Variants in EFCAB8 observed in about 807,000 individuals in gnomAD.
EFCAB8 encodes the protein EF-hand calcium-binding domain-containing protein 8.
EFCAB8 carries 100 observed loss-of-function variants against 116.3 expected under a neutral mutation model. The ratio of observed to expected loss-of-function variants is 0.86; its 90% confidence interval spans 0.73 to 1.02. The LOEUF (loss-of-function observed/expected upper bound fraction) is 1.02, where lower values mean the gene tolerates loss of function less well. EFCAB8 is among the 50% of genes least tolerant of loss of function. EFCAB8 has a pLI of 0.00. For synonymous variants in EFCAB8, 558 were observed against 567.9 expected (o/e 0.98, Z 0.25); for missense variants, 1,320 against 1,416.9 (o/e 0.93, Z 1.10).
chr20:32,859,490 A>G (rs1983992497), intron 1 of EFCAB8, among the ~76,000 whole-genome samples: 1 of 152,188 alleles, frequency 6.6e-6, no homozygotes, highest in Non-Finnish European at 1.5e-5. Context: ...AGCAACCAGC[A>G]CTTTTTTTCC....
chr20:32,874,479 C>G (rs1984847259), intron 3 of EFCAB8, among the ~76,000 whole-genome samples: 1 of 152,202 alleles, frequency 6.6e-6, no homozygotes, highest in Non-Finnish European at 1.5e-5. Context: ...ATACCTCAGC[C>G]TCCCAAAGCA....
intron 22 of EFCAB8, among the ~76,000 whole-genome samples, chr20:32,932,084 T>G (rs1473717973): frequency 6.6e-6 from 1 of 152,004 alleles, no homozygotes; most frequent in Admixed American, 6.5e-5. Flanking sequence ...TTCTAAAAAT[T>G]TATTCAGTGG....
At chr20:32,872,895 C>G (rs1044434885) in intron 3 of EFCAB8, among the ~76,000 whole-genome samples, 2 of 151,884 alleles carry the variant, frequency 1.3e-5, no homozygotes, top group Non-Finnish European at 2.9e-5. Context: ...AGTTCGAGAC[C>G]AGCCTGGCCA....
rs538002526 is a variant in EFCAB8 at position 32,869,657 on chromosome 20, A to T, written c.208+1910A>T. Among the ~76,000 whole-genome samples the T allele has an allele frequency of 1.8e-3, 268 of 152,242 alleles. 1 individual carries two copies. Among genetic ancestry groups the T allele is most frequent in the African/African-American group, 6.4e-3 (264 of 41,560 alleles). On this transcript the variant is annotated intron_variant, in intron 3 of 26. Coordinates refer to ENST00000400522, the MANE Select transcript of EFCAB8 (RefSeq NM_001143967.2). ...CACAGGTCCCACCACACTCCAGGGG[A>T]GGGGATCGAAGGAGGGACTGAGCAC...
At chr20:32,953,876 T>TCTCAG (rs1988877943) in intron 23 of EFCAB8, among the ~76,000 whole-genome samples, 1 of 152,216 alleles carries the variant, frequency 6.6e-6, no homozygotes. Context: ...AATGGTGCCA[T>TCTCAG]CTCAGCTCAC....
chr20:32,875,502 GT>G (rs57620114), intron 3 of EFCAB8, among the ~76,000 whole-genome samples: 3,507 of 89,894 alleles, frequency 0.039, 201 homozygotes, highest in African/African-American at 0.11. Flanking sequence ...AAACATGGTG[GT>G]TTTTTTTTTT....
chr20:32,918,497 A>G lies in EFCAB8; in HGVS notation c.2197A>G (p.Arg733Gly). The G allele has an allele frequency of 6.4e-7, 1 of 1,551,706 alleles. No homozygotes were observed. ...CGAGTCTGTGGCCAATACCAACCTGAGGCGGAGCCTGGTGTCGGCTCCCCC... is the reference window on the plus strand; with the variant it reads ...CGAGTCTGTGGCCAATACCAACCTGGGGCGGAGCCTGGTGTCGGCTCCCCC... ...SPESVANTNLRRSLVSAPPVM... is the reference protein window; with the variant it reads ...SPESVANTNLGRSLVSAPPVM... The change falls in exon 19 of 27, where the codon AGG becomes GGG. Residue 733 changes from arginine (R) to glycine (G), a missense_variant. By Grantham distance (125) the Arg-to-Gly change is moderately radical. Coordinates refer to ENST00000400522, the MANE Select transcript of EFCAB8 (RefSeq NM_001143967.2).
At chr20:32,896,556 C>T (rs1568916216) in intron 10 of EFCAB8, 29 bp downstream of exon 10, 2 of 718,054 alleles carry the variant, frequency 2.8e-6, no homozygotes, top group East Asian at 2.7e-5. Flanking sequence ...TGGCCTGTTA[C>T]AATGGTAATT....
Position 32,959,936 on chromosome 20 carries a change from A to G in EFCAB8, c.3248A>G (p.Glu1083Gly). The G allele has an allele frequency of 1.3e-6, 2 of 1,551,632 alleles. No homozygotes were observed. Among genetic ancestry groups the G allele is most frequent in the Non-Finnish European group, 1.7e-6 (2 of 1,146,968 alleles). ...CCGTGGGCCGGAGAGCGCCCCCTGG[A>G]AGACATTGAGGACAGCTGGAACAAG... ...MSPWAGERPL[E>G]DIEDSWNKWE... Residue 1083 changes from glutamate (E) to glycine (G), a missense_variant, in exon 25 of 27, where the codon GAA becomes GGA. Coordinates refer to ENST00000400522, the MANE Select transcript of EFCAB8 (RefSeq NM_001143967.2).
chr20:32,898,654 G>A (rs1306714699), intron 11 of EFCAB8, 31 bp downstream of exon 11: 3 of 715,838 alleles, frequency 4.2e-6, no homozygotes, highest in African/African-American at 1.7e-5. Context: ...GGCTAAGGCG[G>A]TGGGGCTGGA....
chr20:32,877,043 A>C (rs924046167), intron 4 of EFCAB8, among the ~76,000 whole-genome samples: 2 of 152,018 alleles, frequency 1.3e-5, no homozygotes, highest in African/African-American at 4.8e-5. Flanking sequence ...GGAAGTTAGG[A>C]GTTTGCCCAG....
rs1984249934 is a variant in EFCAB8 at position 32,863,789 on chromosome 20, G to A, written c.-4G>A. On this transcript the variant is annotated 5_prime_UTR_variant, in exon 2 of 27. Coordinates refer to ENST00000400522, the MANE Select transcript of EFCAB8 (RefSeq NM_001143967.2). Reference sequence around the variant, plus strand: ...CTATGATTCCCTATTCTAGGTCAAGGCTAATGTCTTCTGAAGACTTAGCAG... The same window carrying A: ...CTATGATTCCCTATTCTAGGTCAAGACTAATGTCTTCTGAAGACTTAGCAG... 3.2e-6 allele frequency: 5 copies of A among 1,550,944 alleles called. No homozygotes were observed. Among genetic ancestry groups the A allele is most frequent in the Admixed American group, 3.9e-5 (2 of 50,916 alleles).
At chr20:32,902,021 T>C (rs1306664369) in intron 11 of EFCAB8, among the ~76,000 whole-genome samples, 1 of 152,242 alleles carries the variant, frequency 6.6e-6, no homozygotes, top group Non-Finnish European at 1.5e-5. Context: ...AATTAATATT[T>C]TCATTATAAA....
chr20:32,955,374 T>C (rs552168407), intron 23 of EFCAB8, among the ~76,000 whole-genome samples: 2 of 152,156 alleles, frequency 1.3e-5, no homozygotes, highest in African/African-American at 4.8e-5. Context: ...ACCCTGTCTC[T>C]ACAAAAAATT....
rs1198949074 is a variant in EFCAB8, at chr20:32,961,785, G to T, written c.*176G>T. Reference sequence around the variant, plus strand: ...CTAATCTTGTCTTCTCTCTGGCCCCGCACAGAGCCCTGGGGCAGAAAATAA... The same window carrying T: ...CTAATCTTGTCTTCTCTCTGGCCCCTCACAGAGCCCTGGGGCAGAAAATAA... On this transcript the variant is annotated 3_prime_UTR_variant, in exon 27 of 27. Coordinates refer to ENST00000400522, the MANE Select transcript of EFCAB8 (RefSeq NM_001143967.2). 1.3e-5 allele frequency among the ~76,000 whole-genome samples: 2 copies of T among 152,222 alleles called. No homozygotes were observed. Among genetic ancestry groups the T allele is most frequent in the Non-Finnish European group, 2.9e-5 (2 of 68,038 alleles).
intron 23 of EFCAB8, among the ~76,000 whole-genome samples, chr20:32,949,055 T>C (rs894909993): frequency 6.6e-6 from 1 of 152,200 alleles, no homozygotes; most frequent in African/African-American, 2.4e-5. Flanking sequence ...TTATTTGTAG[T>C]TGACTAATTG....
At chr20:32,934,252 TTAATC>T (rs1270884022) in intron 22 of EFCAB8, among the ~76,000 whole-genome samples, 5 of 151,592 alleles carry the variant, frequency 3.3e-5, no homozygotes, top group African/African-American at 1.2e-4. Context: ...GTCTTCCAGA[TTAATC>T]TATGTTGTCC....
chr20:32,954,031 G>T (rs1269870509), intron 23 of EFCAB8, among the ~76,000 whole-genome samples: 1 of 151,998 alleles, frequency 6.6e-6, no homozygotes, highest in African/African-American at 2.4e-5. Flanking sequence ...GTCTCGAACT[G>T]CAGGCCTCAG....
chr20:32,885,414 C>G lies in EFCAB8; in HGVS notation c.432-91C>G, dbSNP rs866014052. The G allele has an allele frequency of 4.0e-6, 6 of 1,506,422 alleles. 1 individual carries two copies. In the Middle Eastern group the frequency reaches 7.7e-4, roughly 194 times the overall value. 93.3% of individuals were successfully genotyped at this position (1,506,422 alleles called of 1,614,324 possible). On this transcript the variant is annotated intron_variant, in intron 5 of 26. Coordinates refer to ENST00000400522, the MANE Select transcript of EFCAB8 (RefSeq NM_001143967.2). ...CGTGACGCTCCGCCGGCTTTTGTCC[C>G]TCCTCCTCGGTGGCTCTCTGTTCTG...
Sources: gnomAD v4.1 joint callset for allele counts (sites outside exome capture counted in the v4.1 genomes callset) on GRCh38, gnomAD v4.1.1 for gene constraint, MANE v1.5 for transcripts, NCBI Gene and HGNC (gene_info 2026-07-23, HGNC 2026-07-21) for gene names.